Variants in CNTN4 observed in about 807,000 individuals in gnomAD.
The protein encoded by CNTN4 is contactin-4.
A neutral mutation model predicts 122.5 loss-of-function variants in CNTN4; 77 were observed. The observed-to-expected ratio is 0.63, with a 90% CI of 0.52 to 0.76. CNTN4 has a LOEUF of 0.76. Ranked by LOEUF, CNTN4 falls within the 30% of genes least tolerant of loss-of-function variation. The pLI is 0.00. For synonymous variants in CNTN4, 512 were observed against 447.0 expected (o/e 1.15, Z -1.83); for missense variants, 1,256 against 1,259.1 (o/e 1.00, Z 0.04).
chr3:2,579,129 G>A (rs921235362), intron 4 of CNTN4, among the ~76,000 whole-genome samples: 2 of 152,130 alleles, frequency 1.3e-5, no homozygotes, highest in African/African-American at 4.8e-5. Flanking sequence ...AATTGTGAAT[G>A]GGTCCATTAG....
At chr3:2,973,867 A>C (rs1032918837) in intron 13 of CNTN4, among the ~76,000 whole-genome samples, 1 of 152,196 alleles carries the variant, frequency 6.6e-6, no homozygotes, top group Non-Finnish European at 1.5e-5. Flanking sequence ...AACACAGTTT[A>C]TACTTATTCA....
At chr3:2,818,628 C>T (rs1232190563) in intron 6 of CNTN4, among the ~76,000 whole-genome samples, 2 of 152,146 alleles carry the variant, frequency 1.3e-5, no homozygotes, top group Non-Finnish European at 2.9e-5. Flanking sequence ...AAGAAAAAAA[C>T]GTTTCTTGAA....
chr3:2,507,550 A>G (rs2076764779), intron 3 of CNTN4, among the ~76,000 whole-genome samples: 2 of 151,912 alleles, frequency 1.3e-5, no homozygotes, highest in African/African-American at 4.8e-5. Flanking sequence ...CCTGGCCAAC[A>G]TAGTGAAACC....
At chr3:3,013,466 C>T (rs1559789038) in intron 14 of CNTN4, among the ~76,000 whole-genome samples, 1 of 152,094 alleles carries the variant, frequency 6.6e-6, no homozygotes, top group African/African-American at 2.4e-5. Context: ...GGGCTGATTT[C>T]CAGTGAACGG....
chr3:2,476,514 C>G (rs149012636), intron 3 of CNTN4, among the ~76,000 whole-genome samples: 1 of 152,316 alleles, frequency 6.6e-6, no homozygotes, highest in East Asian at 1.9e-4. Context: ...GCACTGCTAC[C>G]TCTTACGGCA....
At chr3:2,303,094 T>C (rs2042581776) in intron 2 of CNTN4, among the ~76,000 whole-genome samples, 2 of 152,208 alleles carry the variant, frequency 1.3e-5, no homozygotes, top group African/African-American at 4.8e-5. Flanking sequence ...AACATCTGTT[T>C]TCAGATAAGG....
rs573813656 is a variant in CNTN4 at position 2,702,575 on chromosome 3, G to C, written c.56-33640G>C. Reference sequence around the variant, plus strand: ...CAAAATTTAAAACAGCTTGAATGTAGTAGATGCTCTCTATCAAGGTGTGAG... The same window carrying C: ...CAAAATTTAAAACAGCTTGAATGTACTAGATGCTCTCTATCAAGGTGTGAG... On this transcript the variant is annotated intron_variant, in intron 4 of 24. Transcript: ENST00000418658. 2.0e-5 allele frequency among the ~76,000 whole-genome samples: 3 copies of C among 152,314 alleles called. No homozygotes were observed. The South Asian group carries it at 6.2e-4, about 32-fold the overall frequency.
intron 2 of CNTN4, among the ~76,000 whole-genome samples, chr3:2,117,198 G>A (rs528951473): frequency 6.6e-5 from 10 of 152,240 alleles, no homozygotes; most frequent in Non-Finnish European, 1.2e-4. Context: ...TGGTGTTCCC[G>A]CAACCTCCTC....
intron 13 of CNTN4, among the ~76,000 whole-genome samples, chr3:2,963,474 C>T (rs2125026198): frequency 6.6e-6 from 1 of 152,248 alleles, no homozygotes; most frequent in East Asian, 1.9e-4. Context: ...CTTACCACTC[C>T]ACTCACCCAT....
At chr3:2,580,359 C>T (rs2079880957) in intron 4 of CNTN4, among the ~76,000 whole-genome samples, 1 of 152,206 alleles carries the variant, frequency 6.6e-6, no homozygotes, top group South Asian at 2.1e-4. Flanking sequence ...AATGGTACTT[C>T]CAGTAGTTTA....
chr3:2,522,852 T>C (rs2077270088), intron 3 of CNTN4, among the ~76,000 whole-genome samples: 1 of 152,096 alleles, frequency 6.6e-6, no homozygotes, highest in South Asian at 2.1e-4. Context: ...TGAGTGTCTT[T>C]TTCTTTCATC....
intron 3 of CNTN4, among the ~76,000 whole-genome samples, chr3:2,559,335 A>G (rs1333262428): frequency 1.3e-5 from 2 of 152,210 alleles, no homozygotes; most frequent in East Asian, 1.9e-4. Flanking sequence ...TTTGAATGTC[A>G]GTACTATCAG....
At chr3:2,638,605 A>G (rs2150097620) in intron 4 of CNTN4, among the ~76,000 whole-genome samples, 1 of 152,250 alleles carries the variant, frequency 6.6e-6, no homozygotes, top group Non-Finnish European at 1.5e-5. Flanking sequence ...CAACTCAAAA[A>G]CTGTATCAGA....
chr3:2,953,080 A>T (rs1052060448), intron 13 of CNTN4, among the ~76,000 whole-genome samples: 4 of 152,318 alleles, frequency 2.6e-5, no homozygotes, highest in African/African-American at 7.2e-5. Context: ...TCTGTAGGTT[A>T]TTTGACTTCA....
chr3:2,955,421 G>A (rs1016715276), intron 13 of CNTN4, among the ~76,000 whole-genome samples: 25 of 152,246 alleles, frequency 1.6e-4, no homozygotes, highest in African/African-American at 5.5e-4. Context: ...TATCCACCAT[G>A]TTGACTCTGT....
intron 2 of CNTN4, among the ~76,000 whole-genome samples, chr3:2,206,962 A>G (rs2038380749): frequency 6.6e-6 from 1 of 151,496 alleles, no homozygotes; most frequent in South Asian, 2.1e-4. Context: ...CCAACAGCAT[A>G]TGCTCACTTT....
Position 2,631,865 on chromosome 3 carries a change from C to CAAAAAAAA in CNTN4, c.55+60313_55+60320dup, listed in dbSNP as rs1157671569. 4.6e-3 allele frequency among the ~76,000 whole-genome samples: 319 copies of CAAAAAAAA among 69,972 alleles called. 12 individuals are homozygous for CAAAAAAAA. Among genetic ancestry groups the CAAAAAAAA allele is most frequent in the South Asian group, 0.031 (60 of 1,960 alleles). The allele number at this position is 69,972 out of a possible 152,430, so 45.9% of individuals were successfully genotyped here. On this transcript the variant is annotated intron_variant, in intron 4 of 24. Coordinates refer to ENST00000418658, the MANE Select transcript of CNTN4 (RefSeq NM_175607.3). ...GCAACATAGGGAGACCGTATCTCTA[C>CAAAAAAAA]AAAAAAAAAAAAACAAAAAAAAACA... is the stretch of plus-strand genomic sequence containing the variant.
In CNTN4 at chr3:2,102,531, A is replaced by T. The variant is rs187617484; in HGVS notation, c.-145+1892A>T. ...ATATATTTATTTCTCGGTTGTGTGA[A>T]GTCCCAGAATGGGTGATCATGGCAG... On this transcript the variant is annotated intron_variant, in intron 2 of 24. Transcript: ENST00000418658. 1.1e-4 allele frequency among the ~76,000 whole-genome samples: 17 copies of T among 152,298 alleles called. No homozygotes were observed. In the East Asian group the frequency reaches 3.3e-3, roughly 29 times the overall value.
chr3:2,705,114 C>A (rs1317065889), intron 4 of CNTN4, among the ~76,000 whole-genome samples: 1 of 151,522 alleles, frequency 6.6e-6, no homozygotes. Context: ...CATAAGAATT[C>A]TCAGCTGGCT....
Sources: allele counts gnomAD v4.1 joint callset (sites outside exome capture counted in the v4.1 genomes callset), GRCh38; gene constraint gnomAD v4.1.1; transcripts MANE v1.5; gene names NCBI Gene and HGNC (gene_info 2026-07-23, HGNC 2026-07-21).